TAFA1: variants seen among roughly 807,000 people sequenced by gnomAD.
The protein encoded by TAFA1 is chemokine-like protein TAFA-1.
TAFA1 carries 4 observed loss-of-function variants against 18.5 expected under a neutral mutation model. The ratio of observed to expected loss-of-function variants is 0.22; its 90% CI spans 0.11 to 0.49. The LOEUF is 0.49. TAFA1 is among the 20% of genes least tolerant of loss of function. The pLI, the probability that TAFA1 is intolerant of heterozygous loss-of-function variation, is 0.98. For missense variants in TAFA1, 147 were observed against 169.0 expected (o/e 0.87, Z 0.72); for synonymous variants, 56 against 55.2 (o/e 1.01, Z -0.06).
intron 2 of TAFA1, among the ~76,000 whole-genome samples, chr3:68,350,683 C>T (rs1333475178): frequency 1.3e-5 from 2 of 152,106 alleles, no homozygotes; most frequent in Non-Finnish European, 2.9e-5. Flanking sequence ...GATACATCTT[C>T]AGGACAGAGT....
intron 2 of TAFA1, among the ~76,000 whole-genome samples, chr3:68,349,912 T>C (rs1201471266): frequency 6.6e-6 from 1 of 152,072 alleles, no homozygotes; most frequent in Non-Finnish European, 1.5e-5. Context: ...ACAACAGTTC[T>C]TTTTTCACAC....
chr3:68,270,863 A>C (rs1485055028), intron 2 of TAFA1, among the ~76,000 whole-genome samples: 1 of 152,308 alleles, frequency 6.6e-6, no homozygotes, highest in East Asian at 1.9e-4. Context: ...TTTAGCATAC[A>C]TGAGCTTTTG....
chr3:68,356,525 C>G (rs2069368720), intron 2 of TAFA1, among the ~76,000 whole-genome samples: 1 of 151,738 alleles, frequency 6.6e-6, no homozygotes, highest in Non-Finnish European at 1.5e-5. Flanking sequence ...CAATAGCTAC[C>G]CTAGCTACCA....
chr3:68,273,929 T>G (rs748242800), intron 2 of TAFA1, among the ~76,000 whole-genome samples: 1 of 152,180 alleles, frequency 6.6e-6, no homozygotes, highest in Non-Finnish European at 1.5e-5. Context: ...TATTCTAATT[T>G]CTAAAAATCT....
chr3:68,467,123 G>T (rs965115485), intron 3 of TAFA1, among the ~76,000 whole-genome samples: 5 of 152,110 alleles, frequency 3.3e-5, no homozygotes, highest in African/African-American at 7.2e-5. Flanking sequence ...GACTTTTAAG[G>T]TTATCTCCCT....
chr3:68,372,602 T>G (rs368259035), intron 2 of TAFA1, among the ~76,000 whole-genome samples: 18 of 152,282 alleles, frequency 1.2e-4, no homozygotes, highest in African/African-American at 4.3e-4. Context: ...GCAGGTGATA[T>G]GAAACTGCAG....
intron 3 of TAFA1, among the ~76,000 whole-genome samples, chr3:68,466,286 T>C (rs184926344): frequency 1.1e-4 from 16 of 152,198 alleles, no homozygotes. Flanking sequence ...TTCCAGAGTA[T>C]CAACAAAAAT....
chr3:68,224,460 A>C (rs2066771700), intron 2 of TAFA1, among the ~76,000 whole-genome samples: 1 of 152,142 alleles, frequency 6.6e-6, no homozygotes, highest in African/African-American at 2.4e-5. Context: ...AGGGCTTCTA[A>C]TCTCATCTTA....
chr3:68,387,456 G>A (rs1008292463), intron 2 of TAFA1, among the ~76,000 whole-genome samples: 6 of 152,166 alleles, frequency 3.9e-5, no homozygotes, highest in African/African-American at 7.2e-5. Context: ...CCACTCAGGC[G>A]ATTTTTATTC....
chr3:68,541,820 C>A (rs1211867512), intron 4 of TAFA1, among the ~76,000 whole-genome samples: 1 of 152,168 alleles, frequency 6.6e-6, no homozygotes, highest in African/African-American at 2.4e-5. Flanking sequence ...AAACCTTCAT[C>A]TTTTGTAGGT....
At chr3:68,261,754 C>A (rs1044156265) in intron 2 of TAFA1, among the ~76,000 whole-genome samples, 1 of 151,744 alleles carries the variant, frequency 6.6e-6, no homozygotes. Flanking sequence ...CATCACACAC[C>A]GGGAACTGTT....
At chr3:68,365,790 A>T (rs1462493711) in intron 2 of TAFA1, among the ~76,000 whole-genome samples, 1 of 152,172 alleles carries the variant, frequency 6.6e-6, no homozygotes, top group African/African-American at 2.4e-5. Flanking sequence ...GTTTCCCCTT[A>T]TAAAACCATC....
At chr3:68,471,459 C>A (rs950290845) in intron 3 of TAFA1, among the ~76,000 whole-genome samples, 30 of 152,186 alleles carry the variant, frequency 2.0e-4, no homozygotes, top group African/African-American at 6.8e-4. Flanking sequence ...GAGGGAGCTG[C>A]ACCCTGAAAA....
intron 2 of TAFA1, among the ~76,000 whole-genome samples, chr3:68,243,883 A>C (rs1038491190): frequency 6.6e-6 from 1 of 152,186 alleles, no homozygotes; most frequent in Non-Finnish European, 1.5e-5. Context: ...GAGTGACTAT[A>C]CCATATTACA....
At chr3:68,229,455 G>A (rs1416412170) in intron 2 of TAFA1, among the ~76,000 whole-genome samples, 3 of 152,192 alleles carry the variant, frequency 2.0e-5, no homozygotes, top group South Asian at 4.1e-4. Context: ...GTTGAGATGG[G>A]ATTTTAAAAA....
chr3:68,022,966 G>GTTT (rs752272309), intron 2 of TAFA1, among the ~76,000 whole-genome samples: 5 of 122,082 alleles, frequency 4.1e-5, no homozygotes, highest in African/African-American at 1.2e-4. Context: ...AGTTACTCTT[G>GTTT]TTTTTTTTTT....
At chr3:68,353,299 C>T (rs1017830118) in intron 2 of TAFA1, among the ~76,000 whole-genome samples, 1 of 152,168 alleles carries the variant, frequency 6.6e-6, no homozygotes, top group African/African-American at 2.4e-5. Flanking sequence ...TGTCTCTGTT[C>T]CTAGAAGTCA....
chr3:68,460,788 T>A (rs1399448767), intron 3 of TAFA1, among the ~76,000 whole-genome samples: 1 of 152,256 alleles, frequency 6.6e-6, no homozygotes, highest in Admixed American at 6.5e-5. Context: ...TAATCTGTAT[T>A]TCAAACAAGT....
At chr3:68,170,867 C>CACACACACACACACACACGT (rs1422966001) in intron 2 of TAFA1, among the ~76,000 whole-genome samples, 7 of 147,834 alleles carry the variant, frequency 4.7e-5, no homozygotes, top group African/African-American at 1.7e-4. Flanking sequence ...CACAGAAACA[C>CACACACACACACACACACGT]ACACACACAC....
Sources: gnomAD v4.1 joint callset for allele counts (sites outside exome capture counted in the v4.1 genomes callset) on GRCh38, gnomAD v4.1.1 for gene constraint, MANE v1.5 for transcripts, NCBI Gene and HGNC (gene_info 2026-07-23, HGNC 2026-07-21) for gene names.